SMARCA5: variants seen among roughly 807,000 people sequenced by gnomAD.
SMARCA5 encodes SWI/SNF-related matrix-associated actin-dependent regulator of chromatin subfamily A member 5.
A neutral mutation model predicts 140.4 loss-of-function variants in SMARCA5; 18 were observed. The ratio of observed to expected loss-of-function variants is 0.13; its 90% CI spans 0.09 to 0.19. SMARCA5 has a LOEUF of 0.19. SMARCA5 is among the 10% of genes least tolerant of loss of function. The pLI, the probability that SMARCA5 is intolerant of heterozygous loss-of-function variation, is 1.00. For missense variants in SMARCA5, 606 were observed against 1,276.8 expected (o/e 0.47, Z 8.01); for synonymous variants, 449 against 419.6 (o/e 1.07, Z -0.86).
chr4:143,516,873 T>C (rs1364030556), intron 1 of SMARCA5, among the ~76,000 whole-genome samples: 8 of 152,216 alleles, frequency 5.3e-5, no homozygotes, highest in African/African-American at 1.9e-4. Flanking sequence ...GAGTATTCAA[T>C]TTAGGCTGCG....
chr4:143,527,116 T>C (rs1208747423), intron 6 of SMARCA5, among the ~76,000 whole-genome samples: 1 of 152,210 alleles, frequency 6.6e-6, no homozygotes, highest in Non-Finnish European at 1.5e-5. Context: ...TTGAGTCATA[T>C]ATAGTAATTT....
intron 9 of SMARCA5, among the ~76,000 whole-genome samples, chr4:143,532,890 T>C (rs1737223494): frequency 6.6e-6 from 1 of 152,184 alleles, no homozygotes; most frequent in South Asian, 2.1e-4. Flanking sequence ...GGGCTAAAGG[T>C]CTTCACTTAC....
In SMARCA5 at chr4:143,538,701, A is replaced by G; in HGVS notation, c.1607A>G (p.Asp536Gly). 1.2e-6 allele frequency: 2 copies of G among 1,614,078 alleles called. No individual in the cohort carries two copies. The highest frequency in any genetic ancestry group is 8.5e-7 in the Non-Finnish European group (1 of 1,179,984). The change falls in exon 12 of 24, where the codon GAT becomes GGT. Residue 536 changes from aspartate to glycine, a missense_variant. Transcript: ENST00000283131. ...AGGTTGGATGGTCAGACACCCCATGATGAGAGACAAGTGAGTAAAATTTGG... is the reference window on the plus strand; with the variant it reads ...AGGTTGGATGGTCAGACACCCCATGGTGAGAGACAAGTGAGTAAAATTTGG... Reference protein sequence around the residue: ...YCRLDGQTPHDERQDSINAYN... With the variant: ...YCRLDGQTPHGERQDSINAYN...
At position 143,514,241 on chromosome 4, in the gene SMARCA5, G is replaced by T. The variant is rs913170532; in HGVS notation, c.177+140G>T. On this transcript the variant is annotated intron_variant, in intron 1 of 23. Transcript: ENST00000283131. ...GCTTCACACCCTGTGGATACGAAAT[G>T]ATGCTCTCACTCTTGCTCCCTTGTT... 1.1e-5 allele frequency: 8 copies of T among 757,684 alleles called. No individual in the cohort carries two copies. In the African/African-American group the frequency reaches 1.3e-4, roughly 12 times the overall value. 46.9% of individuals were successfully genotyped at this position (757,684 alleles called of 1,614,324 possible). A position where few individuals can be genotyped will look rare whatever the true frequency, so the allele number is the denominator to read the frequency against.
At chr4:143,552,968 T>A (rs1170393675) in intron 23 of SMARCA5, 151 bp from the exon 24 acceptor site, 1 of 569,748 alleles carries the variant, frequency 1.8e-6, no homozygotes, top group African/African-American at 1.9e-5. Context: ...GGCTTTATAG[T>A]TTGCTTTGAA....
chr4:143,530,009 A>T (rs1482235171), intron 8 of SMARCA5, among the ~76,000 whole-genome samples: 3 of 152,204 alleles, frequency 2.0e-5, no homozygotes, highest in Non-Finnish European at 4.4e-5. Flanking sequence ...AATCGTAACC[A>T]AATATTAATG....
chr4:143,529,173 G>A lies in SMARCA5; in HGVS notation c.1089+459G>A, dbSNP rs934391057. Among the ~76,000 whole-genome samples, 7 of 152,190 alleles carry A rather than the reference G, an allele frequency of 4.6e-5. 1 individual carries two copies. The highest frequency in any genetic ancestry group is 4.6e-4 in the Admixed American group (7 of 15,290). On this transcript the variant is annotated intron_variant, in intron 8 of 23. Transcript: ENST00000283131. Reference sequence around the variant, plus strand: ...TGGTCTCAAGCTCCTGGCCTCAAGCGATCTGCCTGCCTCAGCCTCCCAAAG... The same window carrying A: ...TGGTCTCAAGCTCCTGGCCTCAAGCAATCTGCCTGCCTCAGCCTCCCAAAG...
At chr4:143,537,057 G>A (rs576447297) in intron 11 of SMARCA5, among the ~76,000 whole-genome samples, 19 of 152,232 alleles carry the variant, frequency 1.2e-4, no homozygotes, top group African/African-American at 3.4e-4. Context: ...TATTTATGTG[G>A]AGTTTTAATT....
intron 23 of SMARCA5, 45 bp from the exon 24 acceptor site, chr4:143,553,074 G>T: frequency 5.0e-6 from 7 of 1,413,960 alleles, no homozygotes; most frequent in Non-Finnish European, 7.0e-6. Flanking sequence ...TATATTTCAT[G>T]TTTATATTAG....
intron 23 of SMARCA5, among the ~76,000 whole-genome samples, chr4:143,551,805 G>A (rs1416277980): frequency 6.6e-6 from 1 of 152,026 alleles, no homozygotes; most frequent in Non-Finnish European, 1.5e-5. Context: ...ATGCTGTTTT[G>A]GTTACTATAG....
chr4:143,534,938 G>A lies in SMARCA5; in HGVS notation c.1242G>A (p.Val414=), dbSNP rs1352459936. 1 of 1,611,964 alleles carries A rather than the reference G, an allele frequency of 6.2e-7. No individual in the cohort carries two copies. Among genetic ancestry groups the A allele is most frequent in the Non-Finnish European group, 8.5e-7 (1 of 1,178,760 alleles). The change falls in exon 10 of 24, where the codon GTG becomes GTA. Residue 414 remains valine, a synonymous_variant. Transcript: ENST00000283131. ...CAAAGAAGGAAGTAAAAATCTATGT[G>A]GGCCTCAGCAAAATGCAAAGGGAAT... is the stretch of plus-strand genomic sequence containing the variant. ...LPPKKEVKIY[V]GLSKMQREWY...
Position 143,530,466 on chromosome 4 carries a change from T to C in SMARCA5, c.1098T>C (p.Asp366=). The change falls in exon 9 of 24, where the codon GAT becomes GAC. Residue 366 remains aspartate (D), a synonymous_variant. Transcript: ENST00000283131. ...PDVFNSADDF[D]SWFDTNNCLG... is the part of the protein sequence containing the mutation. Reference sequence around the variant, plus strand: ...TTTGTTTGTTTATCTAGGACTTTGATTCCTGGTTTGATACAAACAACTGCC... The same window carrying C: ...TTTGTTTGTTTATCTAGGACTTTGACTCCTGGTTTGATACAAACAACTGCC... 10 of 1,611,214 alleles carry C rather than the reference T, an allele frequency of 6.2e-6. No individual in the cohort carries two copies. Among genetic ancestry groups the C allele is most frequent in the Non-Finnish European group, 8.5e-6 (10 of 1,178,464 alleles).
At chr4:143,532,860 A>G (rs1026003528) in intron 9 of SMARCA5, among the ~76,000 whole-genome samples, 1 of 152,150 alleles carries the variant, frequency 6.6e-6, no homozygotes, top group Admixed American at 6.5e-5. Flanking sequence ...TAGCTGGACA[A>G]TGCTAGAAGA....
At position 143,544,875 on chromosome 4, in the gene SMARCA5, A is replaced by G. The variant is rs774331918; in HGVS notation, c.2283+28A>G. 5.1e-5 allele frequency: 61 copies of G among 1,198,426 alleles called. No individual in the cohort carries two copies. In the Middle Eastern group the frequency reaches 5.9e-4, roughly 12 times the overall value. 74.2% of individuals were successfully genotyped at this position (1,198,426 alleles called of 1,614,324 possible). On this transcript the variant is annotated intron_variant, in intron 17 of 23. Transcript: ENST00000283131. Reference sequence around the variant, plus strand: ...GAGTTGACTGACACAGCATAAAAATATCTAAAAATTTTGAAAATGTAATTT... The same window carrying G: ...GAGTTGACTGACACAGCATAAAAATGTCTAAAAATTTTGAAAATGTAATTT...
chr4:143,525,739 A>G (rs1412611596), intron 5 of SMARCA5, among the ~76,000 whole-genome samples, 188 bp downstream of exon 5: 1 of 152,218 alleles, frequency 6.6e-6, no homozygotes, highest in Non-Finnish European at 1.5e-5. Context: ...CGCTGAAAAT[A>G]TGATAAATTT....
At chr4:143,530,348 TGGG>T in intron 8 of SMARCA5, 107 bp from the exon 9 acceptor site, 1 of 616,600 alleles carries the variant, frequency 1.6e-6, no homozygotes. Context: ...TTTTTTTTTG[TGGG>T]TTACAATTCA....
chr4:143,525,529 A>G lies in SMARCA5; in HGVS notation c.599A>G (p.Asn200Ser), dbSNP rs1488520265. The stretch of plus-strand genomic sequence containing the variant: ...ATTTCTTTGTATGAGAATGGCATCA[A>G]TGGTATCCTTGCAGATGAAATGGTA... ...WLISLYENGI[N>S]GILADEMGLG... Residue 200 changes from asparagine (N) to serine (S), a missense_variant, in exon 5 of 24, where the codon AAT becomes AGT. This residue lies in a region of SMARCA5 where 110 missense variants were observed against 287.7 expected (regional missense o/e 0.38). Transcript: ENST00000283131. The G allele has an allele frequency of 2.5e-6, 4 of 1,611,124 alleles. No homozygotes were observed. Among genetic ancestry groups the G allele is most frequent in the South Asian group, 1.1e-5 (1 of 91,030 alleles).
At chr4:143,518,059 G>T (rs185054915) in intron 2 of SMARCA5, among the ~76,000 whole-genome samples, 1 of 152,204 alleles carries the variant, frequency 6.6e-6, no homozygotes, top group East Asian at 1.9e-4. Flanking sequence ...GTTACTCAGT[G>T]TATGTTTATT....
chr4:143,553,149 G>A lies in SMARCA5; in HGVS notation c.3124G>A (p.Asp1042Asn). The A allele has an allele frequency of 6.2e-7, 1 of 1,612,674 alleles. No homozygotes were observed. Among genetic ancestry groups the A allele is most frequent in the Middle Eastern group, 1.7e-4 (1 of 6,046 alleles). Residue 1042 changes from aspartate to asparagine, a missense_variant, in exon 24 of 24, where the codon GAT becomes AAT. Transcript: ENST00000283131. ...TQKRKMDGAP[D>N]GRGRKKKLKL The stretch of plus-strand genomic sequence containing the variant: ...GAAACGTAAAATGGATGGCGCACCT[G>A]ATGGTCGAGGAAGAAAAAAGAAGCT...
Sources: allele counts gnomAD v4.1 joint callset (sites outside exome capture counted in the v4.1 genomes callset), GRCh38; gene constraint gnomAD v4.1.1; regional missense constraint gnomAD v4.1.1; transcripts MANE v1.5; gene names NCBI Gene and HGNC (gene_info 2026-07-23, HGNC 2026-07-21).